The following SLC30A4 variants were observed in gnomAD, a reference collection of about 807,000 sequenced individuals.
SLC30A4 encodes solute carrier family 30 member 4.
In SLC30A4, 20 loss-of-function variants were observed where a neutral mutation model predicts 41.7. That is an observed-to-expected ratio of 0.48 (90% CI 0.34 to 0.70). The LOEUF (loss-of-function observed/expected upper bound fraction) is 0.70, where lower values mean the gene tolerates loss of function less well. Among genes scored for constraint, SLC30A4 ranks in the 30% least tolerant of loss-of-function variants. The pLI is 0.01. For missense variants in SLC30A4, 441 were observed against 529.3 expected (o/e 0.83, Z 1.64); for synonymous variants, 181 against 195.9 (o/e 0.92, Z 0.64).
At position 45,484,127 on chromosome 15, in the gene SLC30A4, T is replaced by C. The variant is rs1027949705; in HGVS notation, c.*1036A>G. 13 of 152,596 alleles carry C rather than the reference T, an allele frequency of 8.5e-5. No homozygotes were observed. Among genetic ancestry groups the C allele is most frequent in the Admixed American group, 7.2e-4 (11 of 15,274 alleles). 9.5% of individuals were successfully genotyped at this position (152,596 alleles called of 1,614,324 possible). A position where few individuals can be genotyped will look rare whatever the true frequency, so the allele number is the denominator to read the frequency against. ...TCTCTGGATTAATGTTGTTGAACTA[T>C]ATGTGAAAGGTGGGAATTATAAACT... On this transcript the variant is annotated 3_prime_UTR_variant, in exon 8 of 8. Coordinates refer to ENST00000261867, the MANE Select transcript of SLC30A4 (RefSeq NM_013309.6).
chr15:45,514,510 A>ATTT (rs751585996), intron 2 of SLC30A4, among the ~76,000 whole-genome samples: 26 of 124,990 alleles, frequency 2.1e-4, no homozygotes, highest in Middle Eastern at 4.2e-3. Context: ...TGATATTCCA[A>ATTT]TTTTTTTTTT....
chr15:45,511,046 T>C (rs1343797122), intron 3 of SLC30A4, 92 bp downstream of exon 3: 1 of 964,674 alleles, frequency 1.0e-6, no homozygotes, highest in African/African-American at 1.6e-5. Flanking sequence ...TCAAACAAGA[T>C]ATCACTGGAA....
In SLC30A4 at chr15:45,511,209, A is replaced by G; in HGVS notation, c.467T>C (p.Leu156Pro). The change falls in exon 3 of 8, where the codon CTC becomes CCC. Residue 156 changes from leucine to proline, a missense_variant. By Grantham distance (98) the Leu-to-Pro change is moderately conservative. This residue lies in a region of SLC30A4 where 312 missense variants were observed against 341.9 expected (regional missense o/e 0.91). Transcript: ENST00000261867. ...TGATAGCCACAAAGCAAGCAGGGTG[A>G]GTATGATGGCGCTTAGGTCAGTTAA... ...HMLTDLSAII[L>P]TLLALWLSSK... The G allele has an allele frequency of 6.2e-7, 1 of 1,613,552 alleles. No individual in the cohort carries two copies. Among genetic ancestry groups the G allele is most frequent in the Non-Finnish European group, 8.5e-7 (1 of 1,179,514 alleles).
intron 3 of SLC30A4, among the ~76,000 whole-genome samples, chr15:45,496,906 A>C (rs1016701820): frequency 6.6e-6 from 1 of 151,626 alleles, no homozygotes; most frequent in Non-Finnish European, 1.5e-5. Context: ...ACATGCCTAC[A>C]GTTCTAGCTA....
At position 45,493,810 on chromosome 15, in the gene SLC30A4, G is replaced by C. The variant is rs898138458; in HGVS notation, c.539-2929C>G. Among the ~76,000 whole-genome samples the C allele has an allele frequency of 5.9e-5, 9 of 152,150 alleles. No homozygotes were observed. The South Asian group carries it at 1.9e-3, about 32-fold the overall frequency. ...CCACTGCAACCCAGCCTGGCCGACA[G>C]AGTGAGACTCTGTCTCAAAAACAAA... On this transcript the variant is annotated intron_variant, in intron 3 of 7. Transcript: ENST00000261867.
At chr15:45,520,156 A>T (rs1295909935) in intron 2 of SLC30A4, among the ~76,000 whole-genome samples, 1 of 152,172 alleles carries the variant, frequency 6.6e-6, no homozygotes, top group Non-Finnish European at 1.5e-5. Flanking sequence ...GAGGACTTTG[A>T]AAGTTGGAGA....
At position 45,486,601 on chromosome 15, in the gene SLC30A4, A is replaced by G. The variant is rs1891710401; in HGVS notation, c.1135+10T>C. On this transcript the variant is annotated intron_variant, in intron 7 of 7. Coordinates refer to ENST00000261867, the MANE Select transcript of SLC30A4 (RefSeq NM_013309.6). Reference sequence around the variant, plus strand: ...CAACCCCAGGCCCACATTTACTACCAGCAACATACTTAGCTGTATGTGAAC... The same window carrying G: ...CAACCCCAGGCCCACATTTACTACCGGCAACATACTTAGCTGTATGTGAAC... The G allele has an allele frequency of 6.3e-7, 1 of 1,580,222 alleles. No individual in the cohort carries two copies. Among genetic ancestry groups the G allele is most frequent in the African/African-American group, 1.4e-5 (1 of 72,446 alleles).
intron 2 of SLC30A4, among the ~76,000 whole-genome samples, chr15:45,512,866 G>A (rs1045327927): frequency 6.6e-6 from 1 of 152,126 alleles, no homozygotes; most frequent in Non-Finnish European, 1.5e-5. Flanking sequence ...AGTGGCTTAT[G>A]CCTGTAATAC....
chr15:45,500,095 T>A (rs959054844), intron 3 of SLC30A4, among the ~76,000 whole-genome samples: 15 of 152,188 alleles, frequency 9.9e-5, no homozygotes, highest in Non-Finnish European at 2.1e-4. Context: ...GTGAATCATC[T>A]TTTTTCCTAC....
In SLC30A4 at chr15:45,522,271, G is replaced by A; in HGVS notation, c.84C>T (p.Ala28=). 6.2e-7 allele frequency: 1 copy of A among 1,614,200 alleles called. No individual in the cohort carries two copies. Among genetic ancestry groups the A allele is most frequent in the East Asian group, 2.2e-5 (1 of 44,876 alleles). Reference sequence around the variant, plus strand: ...CCCCCGCCTCATCCGAGAAGTCAAAGGCGCTGGTGTCATTTAAAAACAGCG... The same window carrying A: ...CCCCCGCCTCATCCGAGAAGTCAAAAGCGCTGGTGTCATTTAAAAACAGCG... ...DAPLFLNDTS[A]FDFSDEAGDE... Residue 28 remains alanine (A), a synonymous_variant, in exon 2 of 8, where the codon GCC becomes GCT. Coordinates refer to ENST00000261867, the MANE Select transcript of SLC30A4 (RefSeq NM_013309.6).
intron 6 of SLC30A4, 22 bp downstream of exon 6, chr15:45,487,505 T>G: frequency 2.7e-6 from 3 of 1,110,546 alleles, no homozygotes; most frequent in Non-Finnish European, 4.1e-6. Context: ...AAACTCATAA[T>G]GAGGATATAG....
At chr15:45,494,124 T>C (rs1891862756) in intron 3 of SLC30A4, among the ~76,000 whole-genome samples, 1 of 152,126 alleles carries the variant, frequency 6.6e-6, no homozygotes, top group African/African-American at 2.4e-5. Context: ...CTGTAGTACT[T>C]AGGAGAGTAG....
chr15:45,486,110 C>T (rs1395028295), intron 7 of SLC30A4, among the ~76,000 whole-genome samples: 1 of 146,430 alleles, frequency 6.8e-6, no homozygotes, highest in East Asian at 2.1e-4. Flanking sequence ...GCAACCTCCG[C>T]TTCATGAGTT....
intron 5 of SLC30A4, among the ~76,000 whole-genome samples, chr15:45,488,076 G>A (rs1157307842): frequency 6.6e-6 from 1 of 151,892 alleles, no homozygotes; most frequent in Non-Finnish European, 1.5e-5. Context: ...CACAGCCACT[G>A]TACTCAGCTC....
intron 3 of SLC30A4, among the ~76,000 whole-genome samples, chr15:45,495,480 T>C (rs1566876937): frequency 6.6e-6 from 1 of 152,216 alleles, no homozygotes; most frequent in Non-Finnish European, 1.5e-5. Context: ...CAACAAATAA[T>C]TTTTTAGTGT....
rs1173825047 is a variant in SLC30A4 at position 45,520,824 on chromosome 15, G to C, written c.391+1140C>G. On this transcript the variant is annotated intron_variant, in intron 2 of 7. Coordinates refer to ENST00000261867, the MANE Select transcript of SLC30A4 (RefSeq NM_013309.6). ...GACCTGTGTATATTCTCATACATATGTATGCATGCATGCCTAAATGAGTCA... is the reference window on the plus strand; with the variant it reads ...GACCTGTGTATATTCTCATACATATCTATGCATGCATGCCTAAATGAGTCA... 3 of 327,870 alleles carry C rather than the reference G, an allele frequency of 9.1e-6. No homozygotes were observed. In the East Asian group the frequency reaches 2.5e-4, roughly 27 times the overall value. 20.3% of individuals were successfully genotyped at this position (327,870 alleles called of 1,614,324 possible). A position where few individuals can be genotyped will look rare whatever the true frequency, so the allele number is the denominator to read the frequency against.
At position 45,506,206 on chromosome 15, in the gene SLC30A4, G is replaced by A. The variant is rs537770918; in HGVS notation, c.538+4932C>T. 5.1e-4 allele frequency among the ~76,000 whole-genome samples: 78 copies of A among 152,230 alleles called. 1 individual carries two copies. Among genetic ancestry groups the A allele is most frequent in the Non-Finnish European group, 2.9e-5 (2 of 68,026 alleles). The stretch of plus-strand genomic sequence containing the variant: ...TGCACTCCAGCCTGGACAACGGAGT[G>A]AGACCCACTCTCAAATAAATAAATT... On this transcript the variant is annotated intron_variant, in intron 3 of 7. Coordinates refer to ENST00000261867, the MANE Select transcript of SLC30A4 (RefSeq NM_013309.6).
intron 4 of SLC30A4, 91 bp from the exon 5 acceptor site, chr15:45,489,133 T>C: frequency 3.4e-6 from 3 of 881,074 alleles, no homozygotes; most frequent in Non-Finnish European, 5.2e-6. Flanking sequence ...AACATGGAAC[T>C]CATTTATTTA....
chr15:45,512,678 ATT>A (rs1270710832), intron 2 of SLC30A4, among the ~76,000 whole-genome samples: 1 of 152,176 alleles, frequency 6.6e-6, no homozygotes, highest in African/African-American at 2.4e-5. Context: ...GAATGAGTTA[ATT>A]TTTTTGAGCT....
Sources: gnomAD v4.1 joint callset for allele counts (sites outside exome capture counted in the v4.1 genomes callset) on GRCh38, gnomAD v4.1.1 for gene constraint, gnomAD v4.1.1 regional missense constraint, MANE v1.5 for transcripts, NCBI Gene and HGNC (gene_info 2026-07-23, HGNC 2026-07-21) for gene names.